The following ELP3 variants were observed in gnomAD, a reference collection of about 807,000 sequenced individuals.
The protein encoded by ELP3 is elongator complex protein 3.
In ELP3, 56 loss-of-function variants were observed where a neutral mutation model predicts 74.9. The ratio of observed to expected loss-of-function variants is 0.75; its 90% confidence interval spans 0.60 to 0.93. ELP3 has a LOEUF of 0.93. Ranked by LOEUF, ELP3 falls within the 40% of genes least tolerant of loss-of-function variation. The pLI, the probability that ELP3 is intolerant of heterozygous loss-of-function variation, is 0.00. For missense variants in ELP3, 573 were observed against 686.5 expected, an observed-to-expected ratio of 0.83 and a Z score of 1.85; for synonymous variants, 222 against 239.8, an observed-to-expected ratio of 0.93 and a Z score of 0.68.
intron 14 of ELP3, among the ~76,000 whole-genome samples, chr8:28,167,283 C>T (rs1400656120): frequency 6.6e-6 from 1 of 152,160 alleles, no homozygotes; most frequent in South Asian, 2.1e-4. Flanking sequence ...TTATACAATC[C>T]AATATGGCTT....
intron 14 of ELP3, among the ~76,000 whole-genome samples, chr8:28,170,533 C>G (rs1174716260): frequency 6.6e-6 from 1 of 152,124 alleles, no homozygotes; most frequent in Non-Finnish European, 1.5e-5. Context: ...TATTTTATAC[C>G]TGATGCTTTA....
chr8:28,101,844 C>T (rs1811503183), intron 3 of ELP3, among the ~76,000 whole-genome samples: 1 of 152,194 alleles, frequency 6.6e-6, no homozygotes, highest in South Asian at 2.1e-4. Flanking sequence ...CCCGCCTCAG[C>T]CTCCCAAAGT....
intron 14 of ELP3, among the ~76,000 whole-genome samples, chr8:28,183,732 C>T (rs10088666): frequency 1 from 151,731 of 152,366 alleles, 75,551 homozygotes; most frequent in Middle Eastern, 1. Context: ...CCACTCCTGC[C>T]GTTCTTAATG....
intron 14 of ELP3, among the ~76,000 whole-genome samples, chr8:28,174,806 C>G (rs772906119): frequency 6.6e-6 from 1 of 152,128 alleles, no homozygotes; most frequent in Non-Finnish European, 1.5e-5. Context: ...CTTCCTTTAG[C>G]ATTTCTTATA....
intron 3 of ELP3, among the ~76,000 whole-genome samples, chr8:28,106,400 C>T (rs1024389292): frequency 8.6e-5 from 13 of 151,486 alleles, no homozygotes; most frequent in African/African-American, 3.2e-4. Context: ...ATTAGCCGGG[C>T]GTAGTGGCGG....
chr8:28,134,511 A>G (rs1413601270), intron 9 of ELP3, among the ~76,000 whole-genome samples: 1 of 152,222 alleles, frequency 6.6e-6, no homozygotes, highest in Non-Finnish European at 1.5e-5. Flanking sequence ...CTAGAGAAGA[A>G]TTCTCTACAA....
chr8:28,112,052 T>G (rs748131235), intron 6 of ELP3, among the ~76,000 whole-genome samples: 7 of 152,182 alleles, frequency 4.6e-5, no homozygotes, highest in Non-Finnish European at 7.3e-5. Flanking sequence ...TCAATACCTA[T>G]TTTTAAAAAT....
chr8:28,092,478 C>T (rs1177330342), upstream of ELP3, among the ~76,000 whole-genome samples: 4 of 152,138 alleles, frequency 2.6e-5, no homozygotes, highest in Non-Finnish European at 5.9e-5. Context: ...ATCTGCTGGC[C>T]TTGGCCTCCT....
intron 12 of ELP3, 120 bp downstream of exon 12, chr8:28,158,753 A>G: frequency 1.3e-6 from 1 of 765,060 alleles, no homozygotes; most frequent in Non-Finnish European, 2.2e-6. Context: ...AGCAGAGACT[A>G]ATCGAGGATT....
At chr8:28,090,903 CCTTTTT>C (rs1466344547), upstream of ELP3, among the ~76,000 whole-genome samples, 4 of 53,146 alleles carry the variant, frequency 7.5e-5, no homozygotes, top group East Asian at 1.4e-3. Context: ...GTAAATGTTT[CCTTTTT>C]TTTTTTTTTT....
rs1315655685 is a variant in ELP3 at position 28,108,465 on chromosome 8, T to TC, written c.393+489_393+490insC. 1.0e-4 allele frequency among the ~76,000 whole-genome samples: 15 copies of TC among 147,448 alleles called. 1 individual carries two copies. Among genetic ancestry groups the TC allele is most frequent in the Admixed American group, 9.4e-4 (14 of 14,818 alleles). The stretch of plus-strand genomic sequence containing the variant: ...AATTTACATTTTTTTTTCTTTTTTT[T>TC]TTTTTTTTTTGAGATGGAGTCTCAC... On this transcript the variant is annotated intron_variant, in intron 5 of 14. Transcript: ENST00000256398.
Position 28,104,404 on chromosome 8 carries a change from A to T in ELP3, c.259-2309A>T, listed in dbSNP as rs376830978. On this transcript the variant is annotated intron_variant, in intron 3 of 14. Transcript: ENST00000256398. The stretch of plus-strand genomic sequence containing the variant: ...TTCGTGTTTGTGTTCTTGAAACACC[A>T]TGGTTGTTAACTTGGATACATTACT... Among the ~76,000 whole-genome samples, 13 of 152,212 alleles carry T rather than the reference A, an allele frequency of 8.5e-5. No individual in the cohort carries two copies. The East Asian group carries it at 9.6e-4, about 11-fold the overall frequency.
intron 7 of ELP3, among the ~76,000 whole-genome samples, chr8:28,114,574 C>G (rs1812049988): frequency 6.6e-6 from 1 of 151,906 alleles, no homozygotes; most frequent in Non-Finnish European, 1.5e-5. Flanking sequence ...TCACTTATCA[C>G]CAAGGAGATG....
At chr8:28,188,182 G>A (rs1354944871) in intron 14 of ELP3, among the ~76,000 whole-genome samples, 6 of 152,166 alleles carry the variant, frequency 3.9e-5, no homozygotes, top group Non-Finnish European at 8.8e-5. Context: ...ACAGACAGCC[G>A]GGCTGTTTGA....
chr8:28,179,096 A>G (rs1489034756), intron 14 of ELP3, among the ~76,000 whole-genome samples: 1 of 152,248 alleles, frequency 6.6e-6, no homozygotes, highest in Non-Finnish European at 1.5e-5. Context: ...ACCTGCGTAT[A>G]CAGAAGGCTG....
chr8:28,125,743 T>C (rs1216525551), intron 7 of ELP3, among the ~76,000 whole-genome samples: 1 of 151,042 alleles, frequency 6.6e-6, no homozygotes, highest in African/African-American at 2.4e-5. Flanking sequence ...TAGCTTTTTG[T>C]TCTGTAGTCA....
intron 14 of ELP3, among the ~76,000 whole-genome samples, chr8:28,175,825 T>TC (rs1347150789): frequency 1.4e-5 from 2 of 147,390 alleles, no homozygotes; most frequent in East Asian, 3.9e-4. Flanking sequence ...TTTTTTTTTT[T>TC]TTTTTTGGGG....
chr8:28,106,175 A>G (rs1043711762), intron 3 of ELP3, among the ~76,000 whole-genome samples: 1 of 152,230 alleles, frequency 6.6e-6, no homozygotes, highest in Non-Finnish European at 1.5e-5. Flanking sequence ...TCACATATAT[A>G]TTACATACGG....
At chr8:28,182,349 C>G (rs1276364639) in intron 14 of ELP3, among the ~76,000 whole-genome samples, 1 of 152,120 alleles carries the variant, frequency 6.6e-6, no homozygotes, top group Non-Finnish European at 1.5e-5. Context: ...TGCCTGAGGT[C>G]AGGAGTTCGA....
Sources: allele counts gnomAD v4.1 joint callset (sites outside exome capture counted in the v4.1 genomes callset), GRCh38; gene constraint gnomAD v4.1.1; transcripts MANE v1.5; gene names NCBI Gene and HGNC (gene_info 2026-07-23, HGNC 2026-07-21).